Variants in MAPT observed in about 807,000 individuals in gnomAD.
The protein encoded by MAPT is microtubule-associated protein tau.
MAPT carries 34 observed loss-of-function variants against 67.9 expected under a neutral mutation model. That is an observed-to-expected ratio of 0.50 (90% confidence interval 0.38 to 0.67). The LOEUF (loss-of-function observed/expected upper bound fraction) is 0.67. MAPT is among the 30% of genes least tolerant of loss of function. The pLI is 0.00. For missense variants in MAPT, 881 were observed against 1,115.2 expected, an observed-to-expected ratio of 0.79 and a Z score of 2.99; for synonymous variants, 456 against 464.5, an observed-to-expected ratio of 0.98 and a Z score of 0.23.
At chr17:46,016,966 G>C (rs1314679284) in intron 11 of MAPT, among the ~76,000 whole-genome samples, 1 of 152,208 alleles carries the variant, frequency 6.6e-6, no homozygotes, top group East Asian at 1.9e-4. Flanking sequence ...CACCCCGAGA[G>C]TCCAGAGCGG....
intron 1 of MAPT, among the ~76,000 whole-genome samples, chr17:45,921,890 G>A (rs2065763377): frequency 6.6e-6 from 1 of 152,158 alleles, no homozygotes; most frequent in African/African-American, 2.4e-5. Flanking sequence ...CAGAGAACTA[G>A]AAGACTGCCC....
chr17:46,011,851 C>T (rs1273331315), intron 10 of MAPT, among the ~76,000 whole-genome samples: 1 of 152,208 alleles, frequency 6.6e-6, no homozygotes, highest in Non-Finnish European at 1.5e-5. Context: ...TGGATCCCGG[C>T]TTCTGCCCTG....
At chr17:45,904,336 T>TAAAAACA (rs1436451255) in intron 1 of MAPT, among the ~76,000 whole-genome samples, 6 of 82,566 alleles carry the variant, frequency 7.3e-5, no homozygotes, top group Non-Finnish European at 9.1e-5. Flanking sequence ...ATATTATATA[T>TAAAAACA]TATATATATA....
chr17:46,001,461 A>G (rs1345406726), intron 9 of MAPT, among the ~76,000 whole-genome samples: 1 of 149,758 alleles, frequency 6.7e-6, no homozygotes. Context: ...AAAAAAAAAA[A>G]TGAAGAAAAC....
At chr17:45,975,444 C>T (rs900499286) in intron 3 of MAPT, 4 of 152,208 alleles carry the variant, frequency 2.6e-5, no homozygotes, top group African/African-American at 4.8e-5. Context: ...TGACTTGATC[C>T]GTGAAGTCCC....
chr17:45,907,760 A>C (rs1323448129), intron 1 of MAPT: 3 of 152,270 alleles, frequency 2.0e-5, no homozygotes. Context: ...GAGTTTTGCT[A>C]TACGAAGATG....
At chr17:45,965,601 A>G (rs1011452649) in intron 2 of MAPT, among the ~76,000 whole-genome samples, 10 of 151,830 alleles carry the variant, frequency 6.6e-5, no homozygotes, top group Non-Finnish European at 1.3e-4. Flanking sequence ...TTTTTAGAAG[A>G]GACGGGGTTT....
In MAPT at chr17:45,941,661, TC is replaced by T. The variant is rs1205744860; in HGVS notation, c.-17-20654del. Among the ~76,000 whole-genome samples the T allele has an allele frequency of 6.3e-4, 58 of 91,550 alleles. 2 individuals are homozygous for T. The highest frequency in any genetic ancestry group is 2.5e-3 in the African/African-American group (52 of 20,716). The allele number at this position is 91,550 out of a possible 152,430, so 60.1% of individuals were successfully genotyped here. ...TTCCCTCCTTCCCCCCTTCCACCCTTCCCCCCTTCCCCCCTTCCCTCCTTCC... is the reference window on the plus strand; with the variant it reads ...TTCCCTCCTTCCCCCCTTCCACCCTTCCCCCTTCCCCCCTTCCCTCCTTCC... On this transcript the variant is annotated intron_variant, in intron 1 of 12. Transcript: ENST00000262410.
intron 5 of MAPT, among the ~76,000 whole-genome samples, chr17:45,985,286 A>G: frequency 6.6e-6 from 1 of 152,166 alleles, no homozygotes; most frequent in Admixed American, 6.5e-5. Context: ...AGCCTGGGCG[A>G]CAGAGTGAGA....
At position 45,978,367 on chromosome 17, in the gene MAPT, T is replaced by TA; in HGVS notation, c.221-7dup. ...TTACCCCCCTTCATTTGCTGACACATACACCAGCTGAAGAAGCAGGCATTG... is the reference window on the plus strand; with the variant it reads ...TTACCCCCCTTCATTTGCTGACACATAACACCAGCTGAAGAAGCAGGCATTG... On this transcript the variant is annotated splice_region_variant and splice_polypyrimidine_tract_variant and intron_variant, in intron 3 of 12. Coordinates refer to ENST00000262410, the MANE Select transcript of MAPT (RefSeq NM_001377265.1). 6.2e-7 allele frequency: 1 copy of TA among 1,612,458 alleles called. No individual in the cohort carries two copies. The highest frequency in any genetic ancestry group is 1.3e-5 in the African/African-American group (1 of 74,894).
rs2064341913 is a variant in MAPT at position 45,906,844 on chromosome 17, G to A, written c.-18+12158G>A. 6.6e-6 allele frequency among the ~76,000 whole-genome samples: 1 copy of A among 152,044 alleles called. No individual in the cohort carries two copies. Among genetic ancestry groups the A allele is most frequent in the Non-Finnish European group, 1.5e-5 (1 of 68,012 alleles). ...TCTTCTCCCTCCACATCCTGGAACA[G>A]ACCCGCCAGTTTCTTCCAGGCATTG... On this transcript the variant is annotated intron_variant, in intron 1 of 12. Coordinates refer to ENST00000262410, the MANE Select transcript of MAPT (RefSeq NM_001377265.1). This position sits in a 1 kb window ranked among gnomAD's most constrained non-coding sequence, Gnocchi z 4.3.
At chr17:45,967,194 A>T (rs1327353581) in intron 2 of MAPT, among the ~76,000 whole-genome samples, 1 of 152,258 alleles carries the variant, frequency 6.6e-6, no homozygotes, top group Admixed American at 6.5e-5. Flanking sequence ...CCTATAAACT[A>T]GTGCACCCTA....
chr17:45,937,013 T>C (rs28366399), intron 1 of MAPT, among the ~76,000 whole-genome samples: 5,378 of 152,074 alleles, frequency 0.035, 340 homozygotes, highest in African/African-American at 0.12. Context: ...AGCTCCCCAC[T>C]CCCCGTCCCA....
At chr17:45,957,328 T>A (rs1051242446) in intron 1 of MAPT, among the ~76,000 whole-genome samples, 3 of 152,248 alleles carry the variant, frequency 2.0e-5, no homozygotes, top group Admixed American at 6.5e-5. Context: ...TGGTTTTGAT[T>A]TGCATTTCTC....
At chr17:45,900,797 A>G (rs920784902) in intron 1 of MAPT, among the ~76,000 whole-genome samples, 3 of 152,152 alleles carry the variant, frequency 2.0e-5, no homozygotes, top group African/African-American at 7.2e-5. Flanking sequence ...CATATTGTTT[A>G]GCTGCTTGGA....
chr17:45,998,876 C>T (rs2074742643), intron 9 of MAPT, among the ~76,000 whole-genome samples: 1 of 152,108 alleles, frequency 6.6e-6, no homozygotes, highest in South Asian at 2.1e-4. Context: ...CTTGGTGCTG[C>T]CCAAGACCCC....
At chr17:45,986,936 A>T in intron 5 of MAPT, 104 bp from the exon 6 acceptor site, 1 of 996,154 alleles carries the variant, frequency 1.0e-6, no homozygotes, top group Non-Finnish European at 1.6e-6. Context: ...ACCCAACTAA[A>T]CAAACATGGA....
At chr17:45,938,757 C>T (rs2067586445) in intron 1 of MAPT, among the ~76,000 whole-genome samples, 1 of 151,916 alleles carries the variant, frequency 6.6e-6, no homozygotes, top group Admixed American at 6.6e-5. Flanking sequence ...GATCCTCCCA[C>T]CTCAGCTTCC....
chr17:45,941,201 A>G (rs1010726483), intron 1 of MAPT, among the ~76,000 whole-genome samples: 1 of 152,242 alleles, frequency 6.6e-6, no homozygotes, highest in Non-Finnish European at 1.5e-5. Flanking sequence ...TTAGCAAAAG[A>G]AAATAAATTT....
Sources: allele counts gnomAD v4.1 joint callset (sites outside exome capture counted in the v4.1 genomes callset), GRCh38; gene constraint gnomAD v4.1.1; non-coding constraint Gnocchi (gnomAD v3.1); transcripts MANE v1.5; gene names NCBI Gene and HGNC (gene_info 2026-07-23, HGNC 2026-07-21).